CDKN2B-AS1: variants seen among roughly 807,000 people sequenced by gnomAD.
The protein encoded by CDKN2B-AS1 is CDKN2B and CDKN2A antisense cis and trans regulatory RNA 1.
chr9:22,007,470 C>T (rs1488038971), intron 1 of CDKN2B-AS1, among the ~76,000 whole-genome samples: 1 of 152,034 alleles, frequency 6.6e-6, no homozygotes, highest in Non-Finnish European at 1.5e-5. Flanking sequence ...CTGTAGCAGC[C>T]ATTTGTGTAC....
At chr9:22,029,081 G>A (rs679038) in intron 1 of CDKN2B-AS1, among the ~76,000 whole-genome samples, 42,345 of 151,952 alleles carry the variant, frequency 0.28, 7,660 homozygotes, top group Non-Finnish European at 0.41. Flanking sequence ...CCAAGGGACG[G>A]TGGTGAAAGT....
chr9:22,088,108 T>A (rs1247847322), intron 4 of CDKN2B-AS1, among the ~76,000 whole-genome samples: 1 of 152,154 alleles, frequency 6.6e-6, no homozygotes, highest in Non-Finnish European at 1.5e-5. Flanking sequence ...TCTAAAATCA[T>A]CTGGTGTGCT....
At chr9:22,075,603 A>G (rs1005509540) in intron 4 of CDKN2B-AS1, among the ~76,000 whole-genome samples, 1 of 152,174 alleles carries the variant, frequency 6.6e-6, no homozygotes, top group African/African-American at 2.4e-5. Context: ...GGGGATGGGA[A>G]GCGCCAATCT....
intron 4 of CDKN2B-AS1, among the ~76,000 whole-genome samples, chr9:22,116,645 T>G (rs546729349): frequency 7.2e-5 from 11 of 152,050 alleles, no homozygotes; most frequent in Admixed American, 7.2e-4. Flanking sequence ...ACAGAGAACT[T>G]GAGACAACTT....
chr9:22,012,377 G>T, intron 1 of CDKN2B-AS1: 1 of 966,068 alleles, frequency 1.0e-6, no homozygotes. Flanking sequence ...GCACCTGCGA[G>T]GTGGCATTAT....
intron 4 of CDKN2B-AS1, among the ~76,000 whole-genome samples, chr9:22,102,503 G>C (rs1157041040): frequency 6.6e-6 from 1 of 152,098 alleles, no homozygotes; most frequent in South Asian, 2.1e-4. Context: ...CCATGCTCTC[G>C]GCAGAGGCTC....
intron 1 of CDKN2B-AS1, among the ~76,000 whole-genome samples, chr9:22,014,924 T>C (rs187685054): frequency 1.3e-5 from 2 of 152,188 alleles, no homozygotes; most frequent in Admixed American, 1.3e-4. Context: ...TCCATGTCCC[T>C]ACAAAGGACA....
intron 1 of CDKN2B-AS1, among the ~76,000 whole-genome samples, chr9:22,012,892 T>C (rs987353598): frequency 1.3e-5 from 2 of 152,202 alleles, no homozygotes; most frequent in Non-Finnish European, 2.9e-5. Context: ...CCATGTATTT[T>C]TCAAGATTAA....
In CDKN2B-AS1 at chr9:21,996,638, C is replaced by T. The variant is rs535722100; in HGVS notation, n.29+1477C>T. Among the ~76,000 whole-genome samples the T allele has an allele frequency of 6.8e-6, 1 of 147,910 alleles. No individual in the cohort carries two copies. Among genetic ancestry groups the T allele is most frequent in the South Asian group, 2.1e-4 (1 of 4,696 alleles). Reference sequence around the variant, plus strand: ...GGAACCAGATCCTTTTATGGGTCTTCCTCTGCACCTATGCCACGCCCCCAG... The same window carrying T: ...GGAACCAGATCCTTTTATGGGTCTTTCTCTGCACCTATGCCACGCCCCCAG... On this transcript the variant is annotated intron_variant and non_coding_transcript_variant, in intron 1 of 4. Transcript: ENST00000650946. The surrounding 1 kb of genome is among the most constrained non-coding windows in gnomAD (Gnocchi z 5.4).
At chr9:22,090,937 T>A (rs9644862) in intron 4 of CDKN2B-AS1, among the ~76,000 whole-genome samples, 1 of 150,764 alleles carries the variant, frequency 6.6e-6, no homozygotes, top group Non-Finnish European at 1.5e-5. Flanking sequence ...CTAGGTTTTC[T>A]TCTAGGGTTT....
chr9:22,087,466 T>A (rs1824903506), intron 4 of CDKN2B-AS1, among the ~76,000 whole-genome samples: 1 of 152,216 alleles, frequency 6.6e-6, no homozygotes, highest in South Asian at 2.1e-4. Context: ...TGCTTTTAGT[T>A]GTGTTTTTTA....
At position 22,091,165 on chromosome 9, in the gene CDKN2B-AS1, T is replaced by A. The variant is rs1212696571; in HGVS notation, n.438+34778T>A. On this transcript the variant is annotated intron_variant and non_coding_transcript_variant, in intron 4 of 4. Transcript: ENST00000650946. Reference sequence around the variant, plus strand: ...TATGTGGCATTATTTCTGAGCGCTTTGTTCTGTTCCATTGGTCTATATCTC... The same window carrying A: ...TATGTGGCATTATTTCTGAGCGCTTAGTTCTGTTCCATTGGTCTATATCTC... 2.0e-5 allele frequency among the ~76,000 whole-genome samples: 3 copies of A among 152,210 alleles called. No homozygotes were observed. The East Asian group carries it at 5.8e-4, about 29-fold the overall frequency.
intron 1 of CDKN2B-AS1, among the ~76,000 whole-genome samples, chr9:22,013,562 C>A (rs541333986): frequency 6.6e-6 from 1 of 152,226 alleles, no homozygotes; most frequent in African/African-American, 2.4e-5. Flanking sequence ...AGGGATGCTC[C>A]TGCCTCATCC....
rs376537830 is a variant in CDKN2B-AS1 at position 22,074,488 on chromosome 9, A to T, written n.438+18101A>T. The stretch of plus-strand genomic sequence containing the variant: ...GATGCATCTGGTCACTCTCGAATAC[A>T]TAACACATTTACATAAATATATATA... On this transcript the variant is annotated intron_variant and non_coding_transcript_variant, in intron 4 of 4. Coordinates refer to ENST00000650946, the Ensembl canonical transcript of CDKN2B-AS1. 1.7e-3 allele frequency among the ~76,000 whole-genome samples: 264 copies of T among 152,370 alleles called. 1 individual carries two copies. The highest frequency in any genetic ancestry group is 5.3e-3 in the African/African-American group (222 of 41,582).
intron 4 of CDKN2B-AS1, among the ~76,000 whole-genome samples, chr9:22,062,653 C>T (rs1823869254): frequency 6.6e-6 from 1 of 151,980 alleles, no homozygotes; most frequent in Non-Finnish European, 1.5e-5. Context: ...TAAAATTTCC[C>T]CTAAGTGAGG....
intron 4 of CDKN2B-AS1, among the ~76,000 whole-genome samples, chr9:22,087,614 C>G (rs1824910116): frequency 6.6e-6 from 1 of 152,142 alleles, no homozygotes; most frequent in Non-Finnish European, 1.5e-5. Context: ...AATAGACTGT[C>G]AATCTTTTGA....
At chr9:22,034,109 C>T (rs1822587554) in intron 1 of CDKN2B-AS1, among the ~76,000 whole-genome samples, 1 of 152,100 alleles carries the variant, frequency 6.6e-6, no homozygotes, top group South Asian at 2.1e-4. Context: ...TGGCCTTAGG[C>T]CAGATCATGT....
At chr9:22,014,231 T>C (rs1056195563) in intron 1 of CDKN2B-AS1, among the ~76,000 whole-genome samples, 1 of 152,140 alleles carries the variant, frequency 6.6e-6, no homozygotes, top group African/African-American at 2.4e-5. Context: ...GGTGTGATCA[T>C]AGCTCACTGC....
chr9:22,058,605 C>T (rs1823674832), intron 4 of CDKN2B-AS1: 1 of 152,202 alleles, frequency 6.6e-6, no homozygotes, highest in South Asian at 2.1e-4. Context: ...AACAAACAAC[C>T]TCAAAATCTC....
Sources: gnomAD v4.1 joint callset for allele counts (sites outside exome capture counted in the v4.1 genomes callset) on GRCh38, gnomAD v4.1.1 for gene constraint, Gnocchi (gnomAD v3.1) non-coding constraint, MANE v1.5 for transcripts, NCBI Gene and HGNC (gene_info 2026-07-23, HGNC 2026-07-21) for gene names.